The following SLC35F3 variants were observed in gnomAD, a reference collection of about 807,000 sequenced individuals.
SLC35F3 encodes the protein putative thiamine transporter SLC35F3.
Under a neutral mutation model 49.9 loss-of-function variants are expected in SLC35F3, and 25 were observed. The ratio of observed to expected loss-of-function variants is 0.50; its 90% confidence interval spans 0.37 to 0.70. The LOEUF is 0.70. SLC35F3 is among the 30% of genes least tolerant of loss of function. SLC35F3 has a pLI of 0.00. For synonymous variants in SLC35F3, 275 were observed against 265.4 expected, an observed-to-expected ratio of 1.04 and a Z score of -0.35; for missense variants, 525 against 639.8, an observed-to-expected ratio of 0.82 and a Z score of 1.94.
At chr1:233,968,497 CTTT>C (rs869284645) in intron 2 of SLC35F3, among the ~76,000 whole-genome samples, 1 of 24,810 alleles carries the variant, frequency 4.0e-5, no homozygotes, top group Non-Finnish European at 9.8e-5. Flanking sequence ...TTTTCTTTTT[CTTT>C]TGTTTTTGAG....
chr1:233,939,310 T>G lies in SLC35F3; in HGVS notation c.283+33552T>G, dbSNP rs372053700. Among the ~76,000 whole-genome samples, 6 of 151,826 alleles carry G rather than the reference T, an allele frequency of 4.0e-5. No individual in the cohort carries two copies. The East Asian group carries it at 7.8e-4, about 20-fold the overall frequency. On this transcript the variant is annotated intron_variant, in intron 2 of 7. Transcript: ENST00000366618. The stretch of plus-strand genomic sequence containing the variant: ...GTGCAAAAAAAATTTAAAAAATTGG[T>G]TGGGTATGGAAGCATGTGCCTGTAG...
Position 234,108,406 on chromosome 1 carries a change from T to TAA in SLC35F3, c.284-123010_284-123009insAA, listed in dbSNP as rs1423465168. Among the ~76,000 whole-genome samples, 7 of 104,920 alleles carry TAA rather than the reference T, an allele frequency of 6.7e-5. 1 individual carries two copies. The highest frequency in any genetic ancestry group is 9.2e-4 in the East Asian group (2 of 2,184). 68.8% of individuals were successfully genotyped at this position (104,920 alleles called of 152,430 possible). A position where few individuals can be genotyped will look rare whatever the true frequency, so the allele number is the denominator to read the frequency against. On this transcript the variant is annotated intron_variant, in intron 2 of 7. Transcript: ENST00000366618. ...TATATAAAAGATATATATTTATATA[T>TAA]ATGATATATATTATTTATATATAAA...
At chr1:233,909,550 T>G (rs968209735) in intron 2 of SLC35F3, among the ~76,000 whole-genome samples, 8 of 152,256 alleles carry the variant, frequency 5.3e-5, no homozygotes, top group Non-Finnish European at 1.0e-4. Flanking sequence ...GGAATTGCTC[T>G]ACTCTTTCCT....
chr1:234,112,926 T>C, intron 2 of SLC35F3, among the ~76,000 whole-genome samples: 1 of 151,012 alleles, frequency 6.6e-6, no homozygotes, highest in East Asian at 2.0e-4. Flanking sequence ...TACTTGAGGC[T>C]GGGCATGGTG....
intron 2 of SLC35F3, among the ~76,000 whole-genome samples, chr1:234,140,002 A>AATAAAATAAAAAAAAAAAAAAT: frequency 9.5e-6 from 1 of 105,368 alleles, no homozygotes; most frequent in African/African-American, 3.1e-5. Context: ...AATAAAATAA[A>AATAAAATAAAAAAAAAAAAAAT]GTAAGTGACT....
intron 2 of SLC35F3, among the ~76,000 whole-genome samples, chr1:234,144,960 A>G (rs1295612423): frequency 6.6e-6 from 1 of 152,212 alleles, no homozygotes; most frequent in Non-Finnish European, 1.5e-5. Context: ...GTGCTGTGTC[A>G]TTCTCTTGAT....
At chr1:234,304,074 T>C (rs568232) in intron 3 of SLC35F3, among the ~76,000 whole-genome samples, 84 of 22,924 alleles carry the variant, frequency 3.7e-3, no homozygotes, top group African/African-American at 0.013. Flanking sequence ...TTCCTTCCTT[T>C]CTTCCTTCCT....
At chr1:233,952,018 A>G (rs1662615285) in intron 2 of SLC35F3, among the ~76,000 whole-genome samples, 1 of 151,980 alleles carries the variant, frequency 6.6e-6, no homozygotes, top group African/African-American at 2.4e-5. Flanking sequence ...TAATCCCAAT[A>G]ACTTTTCCTA....
intron 2 of SLC35F3, among the ~76,000 whole-genome samples, chr1:233,984,575 G>A (rs1558196937): frequency 6.6e-6 from 1 of 152,214 alleles, no homozygotes; most frequent in Non-Finnish European, 1.5e-5. Context: ...ACAGGTCAGA[G>A]GTAGACTCAA....
intron 2 of SLC35F3, among the ~76,000 whole-genome samples, chr1:234,165,991 G>T (rs983337984): frequency 2.0e-5 from 3 of 152,102 alleles, no homozygotes; most frequent in African/African-American, 7.2e-5. Context: ...TAGAATAATG[G>T]CCTCCAGTTC....
chr1:234,016,753 C>G (rs1207886478), intron 2 of SLC35F3, among the ~76,000 whole-genome samples: 1 of 152,206 alleles, frequency 6.6e-6, no homozygotes, highest in Non-Finnish European at 1.5e-5. Context: ...TAGGAGTTTA[C>G]AAATACTATA....
At chr1:234,227,430 G>C (rs1667303686) in intron 2 of SLC35F3, among the ~76,000 whole-genome samples, 1 of 126,444 alleles carries the variant, frequency 7.9e-6, no homozygotes, top group Admixed American at 1.1e-4. Context: ...ATGGAGTCTA[G>C]CTCTGTTGCC....
chr1:234,238,043 G>A lies in SLC35F3; in HGVS notation c.608+6302G>A, dbSNP rs538312049. ...TCTAAGAATTATCCACCCAGAAAGT[G>A]ATGAGCTACATTCATAACTCTTACA... On this transcript the variant is annotated intron_variant, in intron 3 of 7. Transcript: ENST00000366618. Among the ~76,000 whole-genome samples the A allele has an allele frequency of 2.0e-3, 302 of 152,300 alleles. 2 individuals carry two copies. Among genetic ancestry groups the A allele is most frequent in the African/African-American group, 7.0e-3 (293 of 41,562 alleles).
chr1:233,960,575 T>TC (rs764197331), intron 2 of SLC35F3, among the ~76,000 whole-genome samples: 4 of 152,160 alleles, frequency 2.6e-5, no homozygotes, highest in African/African-American at 9.7e-5. Context: ...TTTTGTCCCA[T>TC]CCCAGCCCAT....
chr1:234,232,530 A>AAAAAG (rs1380993325), intron 3 of SLC35F3, among the ~76,000 whole-genome samples: 5 of 149,692 alleles, frequency 3.3e-5, no homozygotes, highest in Non-Finnish European at 7.5e-5. Context: ...AAAAAAAAAA[A>AAAAAG]AAAAAAAAAA....
chr1:234,148,755 T>C (rs1666031990), intron 2 of SLC35F3, among the ~76,000 whole-genome samples: 1 of 152,158 alleles, frequency 6.6e-6, no homozygotes, highest in South Asian at 2.1e-4. Context: ...TGAACTAAGA[T>C]GGTGGCAATG....
chr1:233,932,444 C>T (rs1662258746), intron 2 of SLC35F3, among the ~76,000 whole-genome samples: 2 of 152,072 alleles, frequency 1.3e-5, no homozygotes, highest in South Asian at 4.2e-4. Flanking sequence ...ACTAGCAAAA[C>T]CAATCTGTGG....
intron 2 of SLC35F3, among the ~76,000 whole-genome samples, chr1:234,139,998 AT>A (rs1267213346): frequency 7.2e-6 from 1 of 138,474 alleles, no homozygotes; most frequent in Non-Finnish European, 1.7e-5. Flanking sequence ...ATAAAATAAA[AT>A]AAAGTAAGTG....
In SLC35F3 at chr1:234,108,385, TAA is replaced by T. The variant is rs562877842; in HGVS notation, c.284-123029_284-123028del. Among the ~76,000 whole-genome samples, 7,955 of 108,328 alleles carry T rather than the reference TAA, an allele frequency of 0.073. 1,834 individuals carry two copies. In the East Asian group the frequency reaches 0.82, roughly 11 times the overall value. The allele number at this position is 108,328 out of a possible 152,430, so 71.1% of individuals were successfully genotyped here. On this transcript the variant is annotated intron_variant, in intron 2 of 7. Transcript: ENST00000366618. The stretch of plus-strand genomic sequence containing the variant: ...ATATGATATATATTATTTATATATA[TAA>T]AAGATATATATTTATATATATGATA...
Sources: allele counts gnomAD v4.1 joint callset (sites outside exome capture counted in the v4.1 genomes callset), GRCh38; gene constraint gnomAD v4.1.1; transcripts MANE v1.5; gene names NCBI Gene and HGNC (gene_info 2026-07-23, HGNC 2026-07-21).